Variants in RNF168 observed in about 807,000 individuals in gnomAD.
RNF168 encodes E3 ubiquitin-protein ligase RNF168.
A neutral mutation model predicts 34.9 loss-of-function variants in RNF168; 34 were observed. The ratio of observed to expected loss-of-function variants is 0.97; its 90% CI spans 0.74 to 1.30. RNF168 has a LOEUF of 1.30. Ranked by LOEUF, RNF168 falls within the 50% of genes most tolerant of loss-of-function variation. The pLI is 0.00. For synonymous variants in RNF168, 264 were observed against 254.7 expected (o/e 1.04, Z -0.35); for missense variants, 725 against 682.5 (o/e 1.06, Z -0.69).
chr3:196,483,629 T>C (rs1233088467), intron 4 of RNF168, 141 bp downstream of exon 4: 4 of 735,246 alleles, frequency 5.4e-6, no homozygotes, highest in Non-Finnish European at 9.6e-6. Flanking sequence ...AGCTCTCTCC[T>C]TTTCAATTTA....
At chr3:196,480,013 A>AG (rs1732248792) in intron 4 of RNF168, among the ~76,000 whole-genome samples, 1 of 152,136 alleles carries the variant, frequency 6.6e-6, no homozygotes, top group Admixed American at 6.6e-5. Flanking sequence ...GGTCACGGGG[A>AG]GGGGGACACT....
At chr3:196,479,336 T>C (rs1440799745) in intron 4 of RNF168, among the ~76,000 whole-genome samples, 2 of 151,644 alleles carry the variant, frequency 1.3e-5, no homozygotes, top group South Asian at 2.1e-4. Flanking sequence ...AGGCAGGGTC[T>C]TGCTGTCACC....
intron 1 of RNF168, among the ~76,000 whole-genome samples, chr3:196,491,520 C>T (rs1442705525): frequency 6.6e-6 from 1 of 151,650 alleles, no homozygotes; most frequent in Admixed American, 6.6e-5. Flanking sequence ...GTGGCAGGCA[C>T]CTGTAATTCC....
intron 1 of RNF168, among the ~76,000 whole-genome samples, chr3:196,492,446 T>C (rs935552594): frequency 1.6e-4 from 25 of 151,924 alleles, no homozygotes; most frequent in Non-Finnish European, 3.4e-4. Flanking sequence ...GCATGTGTGG[T>C]ACTGACACAG....
At chr3:196,497,570 T>C (rs1291366231) in intron 1 of RNF168, among the ~76,000 whole-genome samples, 1 of 151,860 alleles carries the variant, frequency 6.6e-6, no homozygotes, top group Non-Finnish European at 1.5e-5. Flanking sequence ...CTCAGGAGGC[T>C]GAGGGAGGAG....
intron 1 of RNF168, among the ~76,000 whole-genome samples, chr3:196,493,745 C>T (rs1732666402): frequency 6.6e-6 from 1 of 152,034 alleles, no homozygotes. Context: ...CCAGGCTGGT[C>T]TTGAACTCCT....
chr3:196,475,898 C>T (rs1166164281), intron 4 of RNF168, among the ~76,000 whole-genome samples: 4 of 148,064 alleles, frequency 2.7e-5, no homozygotes, highest in Non-Finnish European at 5.9e-5. Context: ...CTCCCTCTGT[C>T]GCCCAGGCTG....
chr3:196,475,396 G>T (rs1177665069), intron 4 of RNF168, 84 bp from the exon 5 acceptor site: 7 of 810,952 alleles, frequency 8.6e-6, no homozygotes, highest in Non-Finnish European at 1.5e-5. Context: ...TATACCGAAG[G>T]TTGTCTGGTT....
At chr3:196,491,797 T>C (rs1177649605) in intron 1 of RNF168, among the ~76,000 whole-genome samples, 2 of 151,940 alleles carry the variant, frequency 1.3e-5, no homozygotes. Context: ...TAATGGAGTA[T>C]GCGGCCAAAA....
At chr3:196,501,857 C>T (rs1732895704) in intron 1 of RNF168, among the ~76,000 whole-genome samples, 1 of 152,054 alleles carries the variant, frequency 6.6e-6, no homozygotes, top group Admixed American at 6.6e-5. Flanking sequence ...TCCCAAAGCG[C>T]TGGGATTACA....
chr3:196,502,615 G>A (rs1418322634), intron 1 of RNF168, among the ~76,000 whole-genome samples: 1 of 150,606 alleles, frequency 6.6e-6, no homozygotes, highest in African/African-American at 2.4e-5. Context: ...GGCTCCAGAC[G>A]GGCAATTCTT....
At chr3:196,499,938 T>C (rs1732839144) in intron 1 of RNF168, among the ~76,000 whole-genome samples, 1 of 151,984 alleles carries the variant, frequency 6.6e-6, no homozygotes, top group Admixed American at 6.6e-5. Context: ...GACATGCAAA[T>C]AAAAACCACA....
Position 196,472,057 on chromosome 3 carries a change from T to C in RNF168, c.1478A>G (p.Asn493Ser), listed in dbSNP as rs1732019555. 3.7e-6 allele frequency: 6 copies of C among 1,613,796 alleles called. No individual in the cohort carries two copies. In the Admixed American group the frequency reaches 8.3e-5, roughly 22 times the overall value. The change falls in exon 6 of 6, where the codon AAT (asparagine) becomes AGT (serine). Residue 493 changes from asparagine (N) to serine (S), a missense_variant. By Grantham distance (46) the Asn-to-Ser change is conservative (BLOSUM62 1). Coordinates refer to ENST00000318037, the MANE Select transcript of RNF168 (RefSeq NM_152617.4). Reference protein sequence around the residue: ...PDKVLNGQRKNPKDGNFKRQT... With the variant: ...PDKVLNGQRKSPKDGNFKRQT... ...CCTTTTGAAGTTCCCATCTTTGGGA[T>C]TCTTCCTCTGTCCATTTAGCACTTT...
intron 4 of RNF168, among the ~76,000 whole-genome samples, chr3:196,477,786 T>A (rs1732183613): frequency 6.6e-6 from 1 of 152,182 alleles, no homozygotes; most frequent in African/African-American, 2.4e-5. Context: ...TACATGCTCA[T>A]TCTGAAAATA....
At chr3:196,502,736 C>T (rs1732931916) in intron 1 of RNF168, 137 bp downstream of exon 1, 13 of 787,834 alleles carry the variant, frequency 1.7e-5, no homozygotes, top group Non-Finnish European at 1.7e-5. Context: ...CCATAAACCC[C>T]CTAACCTCTG....
At position 196,472,455 on chromosome 3, in the gene RNF168, C is replaced by G. The variant is rs1301913773; in HGVS notation, c.1080G>C (p.Gly360=). Residue 360 remains glycine, a synonymous_variant, in exon 6 of 6, where the codon GGG becomes GGC. Transcript: ENST00000318037. The part of the protein sequence containing the change: ...RTESGCAPTS[G]VTQTNGNNTG... ...TGTTGTTTCCATTTGTCTGTGTCACCCCTGATGTGGGGGCGCACCCACTTT... is the reference window on the plus strand; with the variant it reads ...TGTTGTTTCCATTTGTCTGTGTCACGCCTGATGTGGGGGCGCACCCACTTT... 6.2e-7 allele frequency: 1 copy of G among 1,614,060 alleles called. No homozygotes were observed. The highest frequency in any genetic ancestry group is 1.1e-5 in the South Asian group (1 of 91,068).
Position 196,502,992 on chromosome 3 carries a change from C to T in RNF168, c.182G>A (p.Trp61Ter), listed in dbSNP as rs1560279342. 1 of 1,613,998 alleles carries T rather than the reference C, an allele frequency of 6.2e-7. No individual in the cohort carries two copies. The highest frequency in any genetic ancestry group is 8.5e-7 in the Non-Finnish European group (1 of 1,179,988). Residue 61 changes from tryptophan (W) to a stop codon, truncating the protein, a stop_gained, in exon 1 of 6, where the codon TGG (tryptophan) becomes TAG (stop). Coordinates refer to ENST00000318037, the MANE Select transcript of RNF168 (RefSeq NM_152617.4). LOFTEE classifies it high-confidence loss of function. Reference protein sequence around the residue: ...CPFCRRRVSSWTRYHTRRNSL... With the variant: ...CPFCRRRVSS ...ATTTCTTCGGGTATGGTACCGAGTC[C>T]ACGACGATACCCGGCGGCGACAGAA...
intron 2 of RNF168, 23 bp from the exon 3 acceptor site, chr3:196,487,601 C>A (rs754278101): frequency 1.2e-6 from 2 of 1,610,116 alleles, no homozygotes; most frequent in East Asian, 2.2e-5. Flanking sequence ...TAATAAAGAG[C>A]AATCCTTCTC....
At chr3:196,475,526 G>C (rs188260186) in intron 4 of RNF168, 1 of 452,150 alleles carries the variant, frequency 2.2e-6, no homozygotes. Flanking sequence ...AGAAAAGGAA[G>C]TAAAAGTCAA....
Sources: gnomAD v4.1 joint callset for allele counts (sites outside exome capture counted in the v4.1 genomes callset) on GRCh38, gnomAD v4.1.1 for gene constraint, MANE v1.5 for transcripts, NCBI Gene and HGNC (gene_info 2026-07-23, HGNC 2026-07-21) for gene names.